The following ADGRL3 variants were observed in gnomAD, a reference collection of about 807,000 sequenced individuals.
ADGRL3 encodes adhesion G protein-coupled receptor L3, also known as calcium-independent alpha-latrotoxin receptor 3.
In ADGRL3, 62 loss-of-function variants were observed where a neutral mutation model predicts 153.5. The observed-to-expected ratio is 0.40, with a 90% CI of 0.33 to 0.50. The LOEUF is 0.50. Among genes scored for constraint, ADGRL3 ranks in the 20% least tolerant of loss-of-function variants. ADGRL3 has a pLI of 0.47. For synonymous variants in ADGRL3, 710 were observed against 672.5 expected, an observed-to-expected ratio of 1.06 and a Z score of -0.86; for missense variants, 1,641 against 1,859.4, an observed-to-expected ratio of 0.88 and a Z score of 2.16.
At chr4:61,620,398 A>T (rs1288708950) in intron 5 of ADGRL3, among the ~76,000 whole-genome samples, 1 of 152,134 alleles carries the variant, frequency 6.6e-6, no homozygotes, top group African/African-American at 2.4e-5. Flanking sequence ...AATGACCTTC[A>T]TCTGAATGTC....
chr4:61,478,274 A>T (rs1166287976), intron 2 of ADGRL3, among the ~76,000 whole-genome samples: 1 of 151,992 alleles, frequency 6.6e-6, no homozygotes, highest in Non-Finnish European at 1.5e-5. Context: ...GCTCACATTG[A>T]GGTATGTGTT....
At chr4:62,017,312 A>AT (rs145476506) in intron 21 of ADGRL3, among the ~76,000 whole-genome samples, 3 of 151,394 alleles carry the variant, frequency 2.0e-5, no homozygotes, top group Non-Finnish European at 3.0e-5. Flanking sequence ...TTTGCTATGA[A>AT]TTTTTTTTTA....
At chr4:61,701,136 A>T (rs533574874) in intron 6 of ADGRL3, among the ~76,000 whole-genome samples, 19 of 152,286 alleles carry the variant, frequency 1.2e-4, no homozygotes, top group South Asian at 6.2e-4. Context: ...GAGAACAAAA[A>T]GTTGTAAAAT....
chr4:61,203,941 G>A (rs1033892554), intron 1 of ADGRL3, among the ~76,000 whole-genome samples: 6 of 150,964 alleles, frequency 4.0e-5, no homozygotes, highest in African/African-American at 1.5e-4. Flanking sequence ...CCAAAGCAAG[G>A]GTAAAGACTG....
chr4:62,039,698 T>A (rs1421676109), intron 24 of ADGRL3, among the ~76,000 whole-genome samples: 6 of 152,110 alleles, frequency 3.9e-5, no homozygotes, highest in African/African-American at 1.2e-4. Context: ...ATGATGCTTA[T>A]AGCATGAGCC....
intron 13 of ADGRL3, among the ~76,000 whole-genome samples, chr4:61,927,880 G>A (rs2098801088): frequency 6.6e-6 from 1 of 151,750 alleles, no homozygotes; most frequent in Admixed American, 6.6e-5. Flanking sequence ...ATAAATCAAT[G>A]GATACTATTT....
chr4:61,566,729 A>G (rs2098817810), intron 4 of ADGRL3, among the ~76,000 whole-genome samples: 1 of 152,118 alleles, frequency 6.6e-6, no homozygotes, highest in Non-Finnish European at 1.5e-5. Context: ...ATCCTTATAA[A>G]TAATATTTTT....
At chr4:61,395,412 G>T (rs1578624597) in intron 2 of ADGRL3, among the ~76,000 whole-genome samples, 2 of 151,920 alleles carry the variant, frequency 1.3e-5, no homozygotes, top group Admixed American at 1.3e-4. Context: ...GATAAACAAA[G>T]AATAATGAAT....
chr4:61,499,152 T>G (rs1306928680), intron 3 of ADGRL3, among the ~76,000 whole-genome samples: 1 of 152,190 alleles, frequency 6.6e-6, no homozygotes, highest in East Asian at 1.9e-4. Context: ...TAACATGCAT[T>G]GCATTTTGCT....
At chr4:61,962,454 G>A (rs1171093080) in intron 17 of ADGRL3, among the ~76,000 whole-genome samples, 1 of 151,808 alleles carries the variant, frequency 6.6e-6, no homozygotes, top group South Asian at 2.1e-4. Context: ...AGGATCATAC[G>A]TTGCCTTCAT....
chr4:61,707,610 T>C (rs775450497), intron 6 of ADGRL3, among the ~76,000 whole-genome samples: 2 of 152,212 alleles, frequency 1.3e-5, no homozygotes, highest in Non-Finnish European at 2.9e-5. Context: ...TGCTCAAACG[T>C]GAACATTTTC....
intron 4 of ADGRL3, among the ~76,000 whole-genome samples, chr4:61,569,164 A>G (rs913189948): frequency 6.6e-6 from 1 of 151,952 alleles, no homozygotes; most frequent in Non-Finnish European, 1.5e-5. Context: ...TTTCAGAAAC[A>G]CCTCTCTGAC....
chr4:61,628,943 A>G (rs1415244492), intron 5 of ADGRL3, among the ~76,000 whole-genome samples: 3 of 152,178 alleles, frequency 2.0e-5, no homozygotes, highest in African/African-American at 4.8e-5. Flanking sequence ...CATAGCACCT[A>G]TTTCTACAAA....
intron 2 of ADGRL3, among the ~76,000 whole-genome samples, chr4:61,465,579 A>G (rs1414095446): frequency 6.6e-6 from 1 of 151,382 alleles, no homozygotes; most frequent in Non-Finnish European, 1.5e-5. Flanking sequence ...TCTATTTTTT[A>G]AATTAAATGT....
intron 4 of ADGRL3, among the ~76,000 whole-genome samples, chr4:61,541,011 A>AG (rs2098687446): frequency 6.6e-6 from 1 of 152,178 alleles, no homozygotes; most frequent in Non-Finnish European, 1.5e-5. Flanking sequence ...TGAGCTGAGG[A>AG]GGTAAGGAGC....
chr4:61,385,756 CA>C (rs1379143429), intron 2 of ADGRL3: 1 of 152,006 alleles, frequency 6.6e-6, no homozygotes, highest in African/African-American at 2.4e-5. Context: ...TTTATTTCAC[CA>C]ACATTAAGTA....
intron 6 of ADGRL3, among the ~76,000 whole-genome samples, chr4:61,685,000 C>T (rs1346358666): frequency 6.6e-6 from 1 of 151,916 alleles, no homozygotes; most frequent in East Asian, 1.9e-4. Flanking sequence ...GCAACATCCA[C>T]CTCTTGGACT....
intron 2 of ADGRL3, among the ~76,000 whole-genome samples, chr4:61,452,044 T>C (rs2097681162): frequency 6.6e-6 from 1 of 152,196 alleles, no homozygotes; most frequent in African/African-American, 2.4e-5. Context: ...ATTGTTCAGA[T>C]TACCCTTTTT....
At chr4:61,864,069 C>T (rs1336454489) in intron 9 of ADGRL3, among the ~76,000 whole-genome samples, 1 of 152,006 alleles carries the variant, frequency 6.6e-6, no homozygotes, top group African/African-American at 2.4e-5. Flanking sequence ...TGAAAATAAC[C>T]CGGACATATT....
Sources: allele counts gnomAD v4.1 joint callset (sites outside exome capture counted in the v4.1 genomes callset), GRCh38; gene constraint gnomAD v4.1.1; transcripts MANE v1.5; gene names NCBI Gene and HGNC (gene_info 2026-07-23, HGNC 2026-07-21).